Variants in GRID1 observed in about 807,000 individuals in gnomAD.
GRID1 encodes the protein glutamate ionotropic receptor delta type subunit 1, also known as glutamate receptor ionotropic, delta-1.
A neutral mutation model predicts 98.0 loss-of-function variants in GRID1; 28 were observed. That is an observed-to-expected ratio of 0.29 (90% CI 0.21 to 0.39). The LOEUF is 0.39. Ranked by LOEUF, GRID1 falls within the 10% of genes least tolerant of loss-of-function variation. The probability of loss-of-function intolerance (pLI) is 1.00; values close to 1 mark genes in which losing one functional copy is unlikely to be tolerated. For missense variants in GRID1, 1,111 were observed against 1,340.5 expected (o/e 0.83, Z 2.67); for synonymous variants, 553 against 538.5 (o/e 1.03, Z -0.37).
rs144665482 is a variant in GRID1 at position 86,063,763 on chromosome 10, C to T, written c.726+75056G>A. Reference sequence around the variant, plus strand: ...TTCCATATTTATAAAATAAAGGATACATGGAACTTTGTAGAAAGTCTAGAA... The same window carrying T: ...TTCCATATTTATAAAATAAAGGATATATGGAACTTTGTAGAAAGTCTAGAA... On this transcript the variant is annotated intron_variant, in intron 4 of 15. Coordinates refer to ENST00000327946, the MANE Select transcript of GRID1 (RefSeq NM_017551.3). 9.2e-5 allele frequency among the ~76,000 whole-genome samples: 14 copies of T among 152,264 alleles called. No individual in the cohort carries two copies. In the East Asian group the frequency reaches 2.7e-3, roughly 29 times the overall value.
At chr10:86,230,051 C>T (rs898131170) in intron 2 of GRID1, among the ~76,000 whole-genome samples, 3 of 152,222 alleles carry the variant, frequency 2.0e-5, no homozygotes, top group African/African-American at 7.2e-5. Context: ...CAGGTATCCC[C>T]AGCCCCTGCA....
chr10:86,354,426 C>G (rs946784717), intron 2 of GRID1, among the ~76,000 whole-genome samples: 1 of 152,192 alleles, frequency 6.6e-6, no homozygotes, highest in Non-Finnish European at 1.5e-5. Context: ...CCGGCACCCA[C>G]GCCCTCAATG....
intron 8 of GRID1, among the ~76,000 whole-genome samples, chr10:85,793,516 G>A (rs1842499793): frequency 6.6e-6 from 1 of 152,170 alleles, no homozygotes; most frequent in Admixed American, 6.5e-5. Flanking sequence ...AGAAGGTCAG[G>A]AAAGACATGA....
At chr10:85,917,576 T>C (rs1334565010) in intron 4 of GRID1, among the ~76,000 whole-genome samples, 2 of 152,184 alleles carry the variant, frequency 1.3e-5, no homozygotes, top group African/African-American at 2.4e-5. Flanking sequence ...CAAATATCTT[T>C]CCTCATCAGT....
intron 12 of GRID1, among the ~76,000 whole-genome samples, chr10:85,679,646 G>A (rs893051368): frequency 6.6e-6 from 1 of 152,206 alleles, no homozygotes; most frequent in Non-Finnish European, 1.5e-5. Context: ...GGGAGCCCTG[G>A]TCTGTTAGAC....
intron 2 of GRID1, among the ~76,000 whole-genome samples, chr10:86,338,651 G>A (rs565326545): frequency 1.5e-4 from 23 of 152,076 alleles, no homozygotes; most frequent in Non-Finnish European, 2.5e-4. Flanking sequence ...TCCGCCTCCC[G>A]GGTTCAAACA....
intron 4 of GRID1, among the ~76,000 whole-genome samples, chr10:86,097,118 T>A (rs1844231807): frequency 1.3e-5 from 2 of 152,166 alleles, no homozygotes; most frequent in Non-Finnish European, 2.9e-5. Flanking sequence ...AGTGACACCA[T>A]CCACTTCACT....
chr10:86,141,069 G>T (rs1193775035), intron 3 of GRID1, among the ~76,000 whole-genome samples: 1 of 152,118 alleles, frequency 6.6e-6, no homozygotes, highest in East Asian at 1.9e-4. Context: ...CAAGGGTCTC[G>T]GTGTTGCTCT....
chr10:85,736,183 GGAAGGAGGGAAGGAAGGAAGGAAGCAAA>G (rs1841881413), intron 8 of GRID1, among the ~76,000 whole-genome samples: 2 of 141,416 alleles, frequency 1.4e-5, no homozygotes, highest in African/African-American at 5.4e-5. Flanking sequence ...AAGAAAGGAA[GGAAGGAGGGAAGGAAGGAAGGAAGCAAA>G]GAAGGAGGGA....
chr10:85,960,450 A>G (rs1564635977), intron 4 of GRID1, among the ~76,000 whole-genome samples: 1 of 152,222 alleles, frequency 6.6e-6, no homozygotes, highest in Non-Finnish European at 1.5e-5. Context: ...TTCCCTGGCC[A>G]GGTCTAGAGC....
chr10:85,713,631 TAA>T (rs34974084), intron 12 of GRID1, among the ~76,000 whole-genome samples: 31 of 141,082 alleles, frequency 2.2e-4, no homozygotes, highest in Middle Eastern at 3.7e-3. Context: ...AATAGCACAT[TAA>T]AAAAAAAAAA....
At chr10:85,728,825 A>T (rs1457540480) in intron 9 of GRID1, among the ~76,000 whole-genome samples, 1 of 152,186 alleles carries the variant, frequency 6.6e-6, no homozygotes, top group East Asian at 1.9e-4. Context: ...CAAACAGAGA[A>T]TGCAGAAATA....
At chr10:85,659,691 T>C (rs770795342) in intron 12 of GRID1, among the ~76,000 whole-genome samples, 1 of 152,166 alleles carries the variant, frequency 6.6e-6, no homozygotes, top group Admixed American at 6.5e-5. Context: ...TAGACTCTGA[T>C]GGGAAGTTTA....
At chr10:85,648,657 TC>T (rs1313746627) in intron 12 of GRID1, among the ~76,000 whole-genome samples, 1 of 151,914 alleles carries the variant, frequency 6.6e-6, no homozygotes, top group Non-Finnish European at 1.5e-5. Context: ...TCCCACACAC[TC>T]CCCATCCATG....
Position 85,729,591 on chromosome 10 carries a change from C to G in GRID1, c.1257G>C (p.Lys419Asn), listed in dbSNP as rs763268109. ...MRKLATWDSE[K>N]GLNGSLQERP... Reference sequence around the variant, plus strand: ...TCTCTTGCAAGCTGCCATTCAAGCCCTTCTCTGAGTCCCATGTCGCCAACT... The same window carrying G: ...TCTCTTGCAAGCTGCCATTCAAGCCGTTCTCTGAGTCCCATGTCGCCAACT... The change falls in exon 9 of 16, where the codon AAG becomes AAC. Residue 419 changes from lysine to asparagine, a missense_variant. By Grantham distance (94) the Lys-to-Asn change is moderately conservative. Coordinates refer to ENST00000327946, the MANE Select transcript of GRID1 (RefSeq NM_017551.3). 1.2e-6 allele frequency: 2 copies of G among 1,612,590 alleles called. No homozygotes were observed. Among genetic ancestry groups the G allele is most frequent in the Admixed American group, 3.3e-5 (2 of 59,964 alleles).
At chr10:85,613,098 G>A (rs959764837) in intron 15 of GRID1, 105 of 360,220 alleles carry the variant, frequency 2.9e-4, no homozygotes, top group Middle Eastern at 7.3e-4. Flanking sequence ...GCACATGGGC[G>A]GGGCAGGGTA....
At chr10:85,977,554 A>G (rs1020838347) in intron 4 of GRID1, among the ~76,000 whole-genome samples, 3 of 152,214 alleles carry the variant, frequency 2.0e-5, no homozygotes, top group Admixed American at 1.3e-4. Flanking sequence ...GCTATGAAAC[A>G]TTTCTAGCAA....
intron 8 of GRID1, among the ~76,000 whole-genome samples, chr10:85,805,874 T>A (rs1317945944): frequency 6.6e-6 from 1 of 151,422 alleles, no homozygotes; most frequent in African/African-American, 2.4e-5. Context: ...AACTATAAAA[T>A]TTTAGACAAA....
At chr10:86,121,856 T>G (rs1359672801) in intron 4 of GRID1, among the ~76,000 whole-genome samples, 1 of 152,226 alleles carries the variant, frequency 6.6e-6, no homozygotes, top group Non-Finnish European at 1.5e-5. Flanking sequence ...GGGCAGTGCT[T>G]GGATTCTAAC....
Sources: allele counts gnomAD v4.1 joint callset (sites outside exome capture counted in the v4.1 genomes callset), GRCh38; gene constraint gnomAD v4.1.1; transcripts MANE v1.5; gene names NCBI Gene and HGNC (gene_info 2026-07-23, HGNC 2026-07-21).